The following AKNA variants were observed in gnomAD, a reference collection of about 807,000 sequenced individuals.
The protein encoded by AKNA is AT-hook transcription factor.
A neutral mutation model predicts 138.8 loss-of-function variants in AKNA; 67 were observed. That is an observed-to-expected ratio of 0.48 (90% CI 0.40 to 0.59). AKNA has a LOEUF of 0.59. Among genes scored for constraint, AKNA ranks in the 20% least tolerant of loss-of-function variants. The probability of loss-of-function intolerance (pLI) is 0.00; values close to 1 mark genes in which losing one functional copy is unlikely to be tolerated. For missense variants in AKNA, 1,813 were observed against 1,880.4 expected (o/e 0.96, Z 0.66); for synonymous variants, 737 against 754.4 (o/e 0.98, Z 0.38).
downstream of AKNA, chr9:114,331,636 A>G: frequency 6.2e-7 from 1 of 1,613,866 alleles, no homozygotes; most frequent in Non-Finnish European, 8.5e-7. Flanking sequence ...TTTGGTTCCT[A>G]CCTGGACGAT....
Position 114,368,548 on chromosome 9 carries a change from C to G in AKNA, c.1464G>C (p.Thr488=), listed in dbSNP as rs62640863. 108 of 1,395,180 alleles carry G rather than the reference C, an allele frequency of 7.7e-5. 1 individual carries two copies. The East Asian group carries it at 3.0e-3, about 38-fold the overall frequency. The allele number at this position is 1,395,180 out of a possible 1,614,324, so 86.4% of individuals were successfully genotyped here. Residue 488 remains threonine (T), a synonymous_variant, in exon 5 of 22, where the codon ACG becomes ACC. Coordinates refer to ENST00000374088, the MANE Select transcript of AKNA (RefSeq NM_001317950.2). The stretch of plus-strand genomic sequence containing the variant: ...CCTTGGTCCCCTGGGGCACCATTCC[C>G]GTGTGGATGCTGTGGTTGGGCTGGG... ...DPPQPNHSIH[T]GMVPQGTKVL... is the part of the protein sequence containing the mutation.
chr9:114,376,394 C>CACCT (rs773691824), intron 3 of AKNA, 72 bp downstream of exon 3: 1 of 1,532,674 alleles, frequency 6.5e-7, no homozygotes, highest in Non-Finnish European at 9.0e-7. Flanking sequence ...CAGGCCTCCC[C>CACCT]ACCCCAATTA....
Position 114,381,163 on chromosome 9 carries a change from C to T in AKNA, c.171G>A (p.Glu57=), listed in dbSNP as rs1028575040. ...GGTGCTGCTGGGCCAGGCGGAAGTCCTCTAGGAGCTCGGGGCTGGTGGCAT... is the reference window on the plus strand; with the variant it reads ...GGTGCTGCTGGGCCAGGCGGAAGTCTTCTAGGAGCTCGGGGCTGGTGGCAT... ...FPNATSPELL[E]DFRLAQQHLP... The change falls in exon 2 of 22, where the codon GAG becomes GAA. Residue 57 remains glutamate (E), a synonymous_variant. Transcript: ENST00000374088. The T allele has an allele frequency of 4.3e-6, 7 of 1,613,268 alleles. No homozygotes were observed. The African/African-American group carries it at 8.1e-5, about 19-fold the overall frequency.
In AKNA at chr9:114,347,785, GGC is replaced by G. The variant is rs1464562111; in HGVS notation, c.3335_3336del (p.Arg1112ProfsTer22). On this transcript the variant is annotated frameshift_variant, in exon 16 of 22. Coordinates refer to ENST00000374088, the MANE Select transcript of AKNA (RefSeq NM_001317950.2). LOFTEE classifies it high-confidence loss of function. ...SPTRPASAFD[R>X]PARTRGRPAD... ...GCTGGCCGGCCGCGGGTCCGGGCGG[GGC>G]GGTCAAAGGCAGATGCTGGGCGTGT... 2.6e-6 allele frequency: 4 copies of G among 1,548,374 alleles called. No individual in the cohort carries two copies. The highest frequency in any genetic ancestry group is 3.5e-6 in the Non-Finnish European group (4 of 1,145,862).
At chr9:114,349,559 C>T (rs949115612) in intron 15 of AKNA, among the ~76,000 whole-genome samples, 2 of 152,176 alleles carry the variant, frequency 1.3e-5, no homozygotes, top group African/African-American at 2.4e-5. Flanking sequence ...TCTTGGTCTC[C>T]GTTCTCACCC....
intron 9 of AKNA, 53 bp downstream of exon 9, chr9:114,361,635 TGAAGAAATGAATTAAC>T (rs1841114254): frequency 1.6e-5 from 25 of 1,535,270 alleles, no homozygotes; most frequent in Non-Finnish European, 2.2e-5. Flanking sequence ...TAATACGTAT[TGAAGAAATGAATTAAC>T]GAAGAAATGA....
Position 114,361,928 on chromosome 9 carries a change from T to C in AKNA, c.1917-17A>G, listed in dbSNP as rs2131933589. On this transcript the variant is annotated splice_polypyrimidine_tract_variant and intron_variant, in intron 8 of 21. Coordinates refer to ENST00000374088, the MANE Select transcript of AKNA (RefSeq NM_001317950.2). Reference sequence around the variant, plus strand: ...TCCAGCTCCCTGGAATGCAGAAACATTACCACCAGGAGCCCAAGATGGCAG... The same window carrying C: ...TCCAGCTCCCTGGAATGCAGAAACACTACCACCAGGAGCCCAAGATGGCAG... The C allele has an allele frequency of 2.5e-6, 4 of 1,599,390 alleles. No individual in the cohort carries two copies. The highest frequency in any genetic ancestry group is 3.4e-6 in the Non-Finnish European group (4 of 1,179,658).
At chr9:114,395,736 T>TAAAAAAAAA (rs11297740), upstream of AKNA, among the ~76,000 whole-genome samples, 2 of 108,242 alleles carry the variant, frequency 1.8e-5, no homozygotes, top group East Asian at 2.5e-4. Flanking sequence ...CAGCTGTCTT[T>TAAAAAAAAA]AAAAAAAAAA....
intron 2 of AKNA, among the ~76,000 whole-genome samples, chr9:114,378,361 G>A (rs1216627499): frequency 6.6e-6 from 1 of 152,190 alleles, no homozygotes; most frequent in Non-Finnish European, 1.5e-5. Context: ...GCCCTCATAG[G>A]ACTGGCTCCC....
chr9:114,378,415 T>C (rs1833400926), intron 2 of AKNA, among the ~76,000 whole-genome samples: 1 of 152,236 alleles, frequency 6.6e-6, no homozygotes, highest in African/African-American at 2.4e-5. Context: ...TCCATTTATT[T>C]GTGCAGTTGT....
intron 16 of AKNA, among the ~76,000 whole-genome samples, chr9:114,347,105 A>T (rs1830739577): frequency 1.3e-5 from 2 of 152,232 alleles, no homozygotes; most frequent in Admixed American, 1.3e-4. Context: ...ATTTTATGTC[A>T]TTGTCATAAA....
chr9:114,353,340 C>T (rs772153616), intron 14 of AKNA, among the ~76,000 whole-genome samples: 14 of 151,974 alleles, frequency 9.2e-5, no homozygotes, highest in Non-Finnish European at 1.6e-4. Context: ...TCTCAGCTCA[C>T]TGCAACCTCC....
intron 1 of AKNA, chr9:114,383,093 G>A (rs991940996): frequency 2.9e-5 from 13 of 455,234 alleles, no homozygotes; most frequent in African/African-American, 1.4e-4. Context: ...TGGTTTCGCC[G>A]CCGATGGCTG....
intron 2 of AKNA, among the ~76,000 whole-genome samples, chr9:114,380,198 A>T (rs1202221651): frequency 1.3e-5 from 2 of 152,200 alleles, no homozygotes; most frequent in Non-Finnish European, 2.9e-5. Context: ...CCCGGGACTA[A>T]GTAATTCAAA....
intron 2 of AKNA, 146 bp from the exon 3 acceptor site, chr9:114,377,678 A>G: frequency 1.2e-6 from 1 of 837,868 alleles, no homozygotes; most frequent in Non-Finnish European, 1.8e-6. Context: ...GACTTAGCCA[A>G]GTGCTTGTCT....
At chr9:114,362,155 C>T (rs1326475941) in intron 8 of AKNA, among the ~76,000 whole-genome samples, 1 of 152,202 alleles carries the variant, frequency 6.6e-6, no homozygotes, top group Non-Finnish European at 1.5e-5. Context: ...AGAAATCCCA[C>T]CCCCATCTAG....
chr9:114,341,307 C>T (rs1369195073), intron 21 of AKNA, among the ~76,000 whole-genome samples: 1 of 152,280 alleles, frequency 6.6e-6, no homozygotes, highest in African/African-American at 2.4e-5. Flanking sequence ...CTGCTGGGTC[C>T]CAGGGCCGAG....
chr9:114,352,920 C>CA (rs111877355), intron 14 of AKNA, among the ~76,000 whole-genome samples: 1,951 of 134,430 alleles, frequency 0.015, 30 homozygotes, highest in African/African-American at 0.048. Flanking sequence ...GACTCCATCT[C>CA]AAAAAAAAAA....
chr9:114,388,091 A>G (rs1165934686), upstream of AKNA: 7 of 263,858 alleles, frequency 2.7e-5, no homozygotes, highest in East Asian at 6.4e-4. Flanking sequence ...CTGATTTCCT[A>G]CAAGTGTTTG....
Sources: gnomAD v4.1 joint callset for allele counts (sites outside exome capture counted in the v4.1 genomes callset) on GRCh38, gnomAD v4.1.1 for gene constraint, MANE v1.5 for transcripts, NCBI Gene and HGNC (gene_info 2026-07-23, HGNC 2026-07-21) for gene names.